Variants in BRWD1 observed in about 807,000 individuals in gnomAD.
The protein encoded by BRWD1 is bromodomain and WD repeat-containing protein 1.
BRWD1 carries 82 observed loss-of-function variants against 251.2 expected under a neutral mutation model. The observed-to-expected ratio is 0.33, with a 90% CI of 0.27 to 0.39. The LOEUF is 0.39. Ranked by LOEUF, BRWD1 falls within the 10% of genes least tolerant of loss-of-function variation. The pLI is 1.00. For synonymous variants in BRWD1, 918 were observed against 902.8 expected, an observed-to-expected ratio of 1.02 and a Z score of -0.30; for missense variants, 2,233 against 2,711.6, an observed-to-expected ratio of 0.82 and a Z score of 3.92.
At chr21:39,243,986 AT>A (rs1020390429) in intron 21 of BRWD1, among the ~76,000 whole-genome samples, 10 of 151,878 alleles carry the variant, frequency 6.6e-5, no homozygotes, top group African/African-American at 1.9e-4. Flanking sequence ...CATTCAATAA[AT>A]TTTTTTTTAA....
upstream of BRWD1, chr21:39,314,024 C>T: frequency 2.2e-6 from 1 of 455,322 alleles, no homozygotes. Context: ...CGCGGGACCG[C>T]AGGGGCCCCG....
intron 20 of BRWD1, 50 bp from the exon 21 acceptor site, chr21:39,247,882 A>C (rs564227390): frequency 1.0e-5 from 15 of 1,492,396 alleles, no homozygotes; most frequent in Admixed American, 7.0e-5. Flanking sequence ...AAATAAGGAC[A>C]ATATCAACAA....
intron 29 of BRWD1, among the ~76,000 whole-genome samples, chr21:39,220,110 A>AG (rs1202914622): frequency 9.5e-6 from 1 of 104,810 alleles, no homozygotes; most frequent in Non-Finnish European, 1.9e-5. Flanking sequence ...ACTTTGGGCA[A>AG]GGGGTGTGGG....
At chr21:39,201,441 G>A (rs1271665527) in intron 38 of BRWD1, among the ~76,000 whole-genome samples, 1 of 152,214 alleles carries the variant, frequency 6.6e-6, no homozygotes. Context: ...TCTTCTGCAA[G>A]GCTCGAAAGT....
intron 13 of BRWD1, among the ~76,000 whole-genome samples, chr21:39,273,323 ATTT>A (rs1178476517): frequency 6.6e-6 from 1 of 152,168 alleles, no homozygotes; most frequent in African/African-American, 2.4e-5. Flanking sequence ...TATAATAAAG[ATTT>A]TTTAATTTGT....
At chr21:39,199,752 T>G in intron 39 of BRWD1, 90 bp from the exon 40 acceptor site, 1 of 1,281,478 alleles carries the variant, frequency 7.8e-7, no homozygotes. Flanking sequence ...TCTTCACTTT[T>G]TTGGGGGGCG....
At chr21:39,311,860 ATCT>A (rs1299715347) in intron 4 of BRWD1, among the ~76,000 whole-genome samples, 5 of 152,306 alleles carry the variant, frequency 3.3e-5, no homozygotes, top group Middle Eastern at 6.8e-3. Context: ...AAAACCAGTA[ATCT>A]TCTACCACTT....
chr21:39,207,485 A>ACACACACACAC (rs1350272514), intron 36 of BRWD1, among the ~76,000 whole-genome samples: 12,606 of 119,402 alleles, frequency 0.11, 713 homozygotes, highest in Non-Finnish European at 0.12. Flanking sequence ...CACACACACA[A>ACACACACACAC]ACAAAACTCC....
At chr21:39,208,538 A>G (rs149463113) in intron 36 of BRWD1, among the ~76,000 whole-genome samples, 3 of 152,336 alleles carry the variant, frequency 2.0e-5, no homozygotes, top group Non-Finnish European at 4.4e-5. Flanking sequence ...TTTACTTTAA[A>G]TATGACTTTT....
intron 14 of BRWD1, 88 bp downstream of exon 14, chr21:39,270,195 C>T: frequency 1.5e-6 from 2 of 1,295,196 alleles, no homozygotes; most frequent in Non-Finnish European, 2.1e-6. Context: ...AGAGAAACAA[C>T]TTGTTCAATA....
Position 39,190,726 on chromosome 21 carries a change from T to G in BRWD1, c.*5533A>C. ...CTGAAGTACCCCAATGGCTGTAGAA[T>G]AAAATGGTTTCTGTAACTTGCTGTG... On this transcript the variant is annotated 3_prime_UTR_variant, in exon 41 of 41. Coordinates refer to ENST00000342449, the MANE Select transcript of BRWD1 (RefSeq NM_033656.4). The G allele has an allele frequency of 1.0e-6, 1 of 985,408 alleles. No homozygotes were observed. Among genetic ancestry groups the G allele is most frequent in the Non-Finnish European group, 1.2e-6 (1 of 829,906 alleles). 61.0% of individuals were successfully genotyped at this position (985,408 alleles called of 1,614,324 possible). A position where few individuals can be genotyped will look rare whatever the true frequency, so the allele number is the denominator to read the frequency against.
intron 4 of BRWD1, among the ~76,000 whole-genome samples, chr21:39,305,048 C>T (rs2146787115): frequency 6.6e-6 from 1 of 151,126 alleles, no homozygotes; most frequent in South Asian, 2.1e-4. Flanking sequence ...TAACCTCCGC[C>T]TCTTGGATTC....
Position 39,228,530 on chromosome 21 carries a change from C to T in BRWD1, c.3178G>A (p.Asp1060Asn), listed in dbSNP as rs1443286353. 3.1e-6 allele frequency: 5 copies of T among 1,613,238 alleles called. No homozygotes were observed. The East Asian group carries it at 8.9e-5, about 29-fold the overall frequency. Reference sequence around the variant, plus strand: ...TGCCAATTCCTCTGTCTTGCTTCATCATAAAATTGACGCAATACAAGAAAG... The same window carrying T: ...TGCCAATTCCTCTGTCTTGCTTCATTATAAAATTGACGCAATACAAGAAAG... ...IDFLVLRQFY[D>N]EARQRNWQSC... Residue 1060 changes from aspartate to asparagine, a missense_variant, in exon 27 of 41, where the codon GAT becomes AAT. Asp to Asn is a conservative substitution (Grantham distance 23, BLOSUM62 1). Coordinates refer to ENST00000342449, the MANE Select transcript of BRWD1 (RefSeq NM_033656.4).
intron 8 of BRWD1, among the ~76,000 whole-genome samples, chr21:39,280,902 G>C (rs963467707): frequency 2.0e-5 from 3 of 152,132 alleles, no homozygotes; most frequent in Non-Finnish European, 2.9e-5. Context: ...TCAGAATAAG[G>C]CTAACATCTG....
At chr21:39,314,364 C>CG (rs1242103351), upstream of BRWD1, 7 of 455,342 alleles carry the variant, frequency 1.5e-5, no homozygotes, top group Admixed American at 7.1e-5. Flanking sequence ...GGGTGCGAGT[C>CG]GGGGGAGCAG....
chr21:39,236,965 C>T (rs987616047), intron 22 of BRWD1, among the ~76,000 whole-genome samples, 181 bp from the exon 23 acceptor site: 1 of 151,452 alleles, frequency 6.6e-6, no homozygotes, highest in South Asian at 2.1e-4. Flanking sequence ...AAGATCATGA[C>T]AAACATAAGA....
intron 4 of BRWD1, among the ~76,000 whole-genome samples, chr21:39,312,008 G>C (rs1020482144): frequency 6.6e-6 from 1 of 152,080 alleles, no homozygotes; most frequent in African/African-American, 2.4e-5. Context: ...ATATGGCCTG[G>C]CAATTAATGA....
At position 39,194,750 on chromosome 21, in the gene BRWD1, G is replaced by A. The variant is rs1398000314; in HGVS notation, c.*1509C>T. ...AAAGATACACAGGAGAAAAGGTTTT[G>A]TCTGAAACCAAACACAATTAGGGCT... On this transcript the variant is annotated 3_prime_UTR_variant, in exon 41 of 41. Transcript: ENST00000342449. 6.5e-7 allele frequency: 1 copy of A among 1,535,224 alleles called. No homozygotes were observed. The highest frequency in any genetic ancestry group is 2.4e-5 in the East Asian group (1 of 40,878).
chr21:39,188,339 A>G lies in BRWD1; in HGVS notation c.*7920T>C. 1.0e-6 allele frequency: 1 copy of G among 985,396 alleles called. No homozygotes were observed. The highest frequency in any genetic ancestry group is 1.2e-6 in the Non-Finnish European group (1 of 829,920). The allele number at this position is 985,396 out of a possible 1,614,324, so 61.0% of individuals were successfully genotyped here. On this transcript the variant is annotated 3_prime_UTR_variant, in exon 41 of 41. Transcript: ENST00000342449. ...CCCTGCCTGAAGTTTCCAGACATTT[A>G]GCATTCAAAAGGTAAGGCTGTAGAT... is the stretch of plus-strand genomic sequence containing the variant.
Sources: allele counts gnomAD v4.1 joint callset (sites outside exome capture counted in the v4.1 genomes callset), GRCh38; gene constraint gnomAD v4.1.1; transcripts MANE v1.5; gene names NCBI Gene and HGNC (gene_info 2026-07-23, HGNC 2026-07-21).